RBFOX3: variants seen among roughly 807,000 people sequenced by gnomAD.
The protein encoded by RBFOX3 is RNA binding fox-1 homolog 3.
RBFOX3 carries 17 observed loss-of-function variants against 48.7 expected under a neutral mutation model. The ratio of observed to expected loss-of-function variants is 0.35; its 90% CI spans 0.24 to 0.52. RBFOX3 has a LOEUF of 0.52. Ranked by LOEUF, RBFOX3 falls within the 20% of genes least tolerant of loss-of-function variation. The probability of loss-of-function intolerance (pLI) is 0.94; values close to 1 mark genes in which losing one functional copy is unlikely to be tolerated. For missense variants in RBFOX3, 382 were observed against 497.5 expected, an observed-to-expected ratio of 0.77 and a Z score of 2.21; for synonymous variants, 212 against 209.5, an observed-to-expected ratio of 1.01 and a Z score of -0.10.
chr17:79,574,798 G>A (rs1230155698), intron 1 of RBFOX3, among the ~76,000 whole-genome samples: 3 of 152,310 alleles, frequency 2.0e-5, no homozygotes, highest in Admixed American at 1.3e-4. Flanking sequence ...CCACTGCCAC[G>A]CTGGTGCCAG....
chr17:79,558,777 G>A (rs2091966253), intron 1 of RBFOX3, among the ~76,000 whole-genome samples: 1 of 152,204 alleles, frequency 6.6e-6, no homozygotes, highest in Non-Finnish European at 1.5e-5. Flanking sequence ...GGAGCAGGAG[G>A]GAGAGAGGAG....
chr17:79,444,197 C>G (rs1422209226), intron 2 of RBFOX3, among the ~76,000 whole-genome samples: 2 of 152,136 alleles, frequency 1.3e-5, no homozygotes, highest in African/African-American at 4.8e-5. Flanking sequence ...GGCTGCAGAC[C>G]GGACACCCAC....
chr17:79,174,179 G>A (rs183870429), intron 4 of RBFOX3, among the ~76,000 whole-genome samples: 1 of 152,218 alleles, frequency 6.6e-6, no homozygotes, highest in Non-Finnish European at 1.5e-5. Flanking sequence ...AGGTTTCCTG[G>A]GGCAGGGACG....
chr17:79,507,785 C>G (rs1555779342), intron 1 of RBFOX3, among the ~76,000 whole-genome samples: 2 of 152,166 alleles, frequency 1.3e-5, no homozygotes, highest in East Asian at 3.8e-4. Flanking sequence ...TCTCCTCTCT[C>G]CTTTACAGGT....
At chr17:79,228,095 G>A (rs1375615254) in intron 4 of RBFOX3, among the ~76,000 whole-genome samples, 1 of 152,170 alleles carries the variant, frequency 6.6e-6, no homozygotes, top group East Asian at 1.9e-4. Context: ...CCGTAGGACG[G>A]AGCCTGGCCT....
At chr17:79,350,051 C>T (rs980078248) in intron 2 of RBFOX3, among the ~76,000 whole-genome samples, 1 of 152,192 alleles carries the variant, frequency 6.6e-6, no homozygotes, top group Non-Finnish European at 1.5e-5. Context: ...CCTCGCAGAT[C>T]CATTCCCGCC....
At chr17:79,232,410 G>A (rs2147801437) in intron 4 of RBFOX3, among the ~76,000 whole-genome samples, 1 of 152,352 alleles carries the variant, frequency 6.6e-6, no homozygotes, top group South Asian at 2.1e-4. Context: ...TGTAATAGCT[G>A]TGGTAGGACT....
intron 4 of RBFOX3, among the ~76,000 whole-genome samples, chr17:79,149,689 G>C (rs1368622954): frequency 1.3e-5 from 2 of 151,820 alleles, no homozygotes; most frequent in African/African-American, 4.8e-5. Context: ...CGCCCGCTCA[G>C]GCCTTCTCTC....
At chr17:79,377,703 G>A (rs750597977) in intron 2 of RBFOX3, among the ~76,000 whole-genome samples, 11 of 152,152 alleles carry the variant, frequency 7.2e-5, no homozygotes, top group South Asian at 2.1e-4. Context: ...TTGGGACACC[G>A]CTTGGGGTCC....
rs1206030381 is a variant in RBFOX3 at position 79,443,402 on chromosome 17, G to C, written c.-175+39052C>G. 6.7e-6 allele frequency among the ~76,000 whole-genome samples: 1 copy of C among 149,788 alleles called. No individual in the cohort carries two copies. Among genetic ancestry groups the C allele is most frequent in the East Asian group, 1.9e-4 (1 of 5,138 alleles). On this transcript the variant is annotated intron_variant, in intron 2 of 14. Coordinates refer to ENST00000693108, the MANE Select transcript of RBFOX3 (RefSeq NM_001350451.2). The surrounding 1 kb of genome is among the most constrained non-coding windows in gnomAD (Gnocchi z 4.4). ...CCCTTGCCTCTTTTTTTTTTCTTTT[G>C]AGACAGTCTTGCTCTGTCGCCCAGG...
At chr17:79,294,703 C>T (rs9896051) in intron 3 of RBFOX3, among the ~76,000 whole-genome samples, 2,508 of 152,278 alleles carry the variant, frequency 0.016, 63 homozygotes, top group African/African-American at 0.057. Flanking sequence ...CTGCCAGCCA[C>T]GCGGCCGAAC....
chr17:79,550,464 C>CAT (rs1416378677), intron 1 of RBFOX3, among the ~76,000 whole-genome samples: 21 of 151,688 alleles, frequency 1.4e-4, no homozygotes, highest in African/African-American at 4.1e-4. Flanking sequence ...CACACACACA[C>CAT]GTCTAGTACC....
At chr17:79,334,839 T>C (rs2080943948) in intron 2 of RBFOX3, among the ~76,000 whole-genome samples, 1 of 152,246 alleles carries the variant, frequency 6.6e-6, no homozygotes, top group Admixed American at 6.5e-5. Flanking sequence ...CTGTGCCTGT[T>C]GCCTGTGCCT....
chr17:79,184,135 A>C (rs2052894955), intron 4 of RBFOX3, among the ~76,000 whole-genome samples: 1 of 152,166 alleles, frequency 6.6e-6, no homozygotes, highest in African/African-American at 2.4e-5. Flanking sequence ...GCATCTACGC[A>C]GAGGCTTCCG....
At chr17:79,620,412 GACATGCACACACGCACGTGCAC>G in the RBFOX3 span, among the ~76,000 whole-genome samples, 1 of 104,310 alleles carries the variant, frequency 9.6e-6, no homozygotes, top group Non-Finnish European at 2.0e-5. Flanking sequence ...CACACACACG[GACATGCACACACGCACGTGCAC>G]ACATGCACAT....
chr17:79,345,582 A>T (rs79118827), intron 2 of RBFOX3, among the ~76,000 whole-genome samples: 133 of 152,286 alleles, frequency 8.7e-4, no homozygotes, highest in African/African-American at 3.1e-3. Flanking sequence ...GAGGTTAAAC[A>T]TCTCTTTTTA....
chr17:79,536,046 AG>A (rs782493850), intron 1 of RBFOX3, among the ~76,000 whole-genome samples: 1 of 152,138 alleles, frequency 6.6e-6, no homozygotes, highest in Non-Finnish European at 1.5e-5. Flanking sequence ...CTGGTCTCAC[AG>A]GGGGCTGGGG....
chr17:79,607,152 G>A (rs982115068), intron 1 of RBFOX3, among the ~76,000 whole-genome samples: 1 of 152,102 alleles, frequency 6.6e-6, no homozygotes. Flanking sequence ...CCAGGAGCAG[G>A]GGCCTGTGGC....
At chr17:79,382,901 G>C (rs2147968340) in intron 2 of RBFOX3, among the ~76,000 whole-genome samples, 1 of 152,232 alleles carries the variant, frequency 6.6e-6, no homozygotes, top group Non-Finnish European at 1.5e-5. Flanking sequence ...TGAGGTTTAG[G>C]GTGGGGAGGC....
Sources: gnomAD v4.1 joint callset for allele counts (sites outside exome capture counted in the v4.1 genomes callset) on GRCh38, gnomAD v4.1.1 for gene constraint, Gnocchi (gnomAD v3.1) non-coding constraint, MANE v1.5 for transcripts, NCBI Gene and HGNC (gene_info 2026-07-23, HGNC 2026-07-21) for gene names.